The following ENTPD1 variants were observed in gnomAD, a reference collection of about 807,000 sequenced individuals.
ENTPD1 encodes ATP diphosphohydrolase.
Under a neutral mutation model 57.0 loss-of-function variants are expected in ENTPD1, and 33 were observed. The ratio of observed to expected loss-of-function variants is 0.58; its 90% CI spans 0.44 to 0.77. The LOEUF (loss-of-function observed/expected upper bound fraction) is 0.77. Among genes scored for constraint, ENTPD1 ranks in the 30% least tolerant of loss-of-function variants. The pLI, the probability that ENTPD1 is intolerant of heterozygous loss-of-function variation, is 0.00. For missense variants in ENTPD1, 501 were observed against 603.4 expected (o/e 0.83, Z 1.78); for synonymous variants, 202 against 218.8 (o/e 0.92, Z 0.68).
At chr10:95,694,376 A>G in the ENTPD1 span, among the ~76,000 whole-genome samples, 299 of 152,196 alleles carry the variant, frequency 2.0e-3, 13 homozygotes, top group South Asian at 0.061. Context: ...AACACACCTA[A>G]GGTCACATAC....
At chr10:95,778,190 C>T (rs1207535534) in intron 1 of ENTPD1, among the ~76,000 whole-genome samples, 1 of 152,194 alleles carries the variant, frequency 6.6e-6, no homozygotes, top group Admixed American at 6.5e-5. Context: ...AACCAGGTAC[C>T]TCAGTTGGAA....
chr10:95,783,080 T>C (rs2098164389), intron 1 of ENTPD1, among the ~76,000 whole-genome samples: 1 of 152,048 alleles, frequency 6.6e-6, no homozygotes, highest in African/African-American at 2.4e-5. Flanking sequence ...TCCTAGGGAG[T>C]TTCTTTGAGG....
rs563261393 is a variant in ENTPD1 at position 95,841,319 on chromosome 10, G to A, written c.263-1025G>A. Among the ~76,000 whole-genome samples the A allele has an allele frequency of 5.9e-5, 9 of 152,180 alleles. 1 individual carries two copies. The South Asian group carries it at 1.2e-3, about 21-fold the overall frequency. On this transcript the variant is annotated intron_variant, in intron 3 of 9. Coordinates refer to ENST00000371205, the MANE Select transcript of ENTPD1 (RefSeq NM_001776.6). ...GGAGAATCACTTGAACCCGGGAGGCGGAGGTTGCAGTTAGCCGAGATCGCG... is the reference window on the plus strand; with the variant it reads ...GGAGAATCACTTGAACCCGGGAGGCAGAGGTTGCAGTTAGCCGAGATCGCG...
At chr10:95,861,584 G>C (rs2098465424) in intron 8 of ENTPD1, 1 of 152,106 alleles carries the variant, frequency 6.6e-6, no homozygotes. Flanking sequence ...AAAGAAATGT[G>C]GTCAGGGCCT....
intron 1 of ENTPD1, chr10:95,756,465 C>G (rs1342162915): frequency 1.6e-6 from 1 of 607,460 alleles, no homozygotes; most frequent in Non-Finnish European, 2.9e-6. Context: ...AAGGGTGGCT[C>G]TAGAGCAAGC....
Position 95,872,157 on chromosome 10 carries a change from T to TA in ENTPD1, c.*5775dup. 1 of 985,482 alleles carries TA rather than the reference T, an allele frequency of 1.0e-6. No individual in the cohort carries two copies. Among genetic ancestry groups the TA allele is most frequent in the Non-Finnish European group, 1.2e-6 (1 of 829,940 alleles). 61.0% of individuals were successfully genotyped at this position (985,482 alleles called of 1,614,324 possible). ...CTGTAATATATTTTACCTGGACTGA[T>TA]ACCAGGAATGGTGGTGTTGCTTCCA... On this transcript the variant is annotated 3_prime_UTR_variant, in exon 10 of 10. Coordinates refer to ENST00000371205, the MANE Select transcript of ENTPD1 (RefSeq NM_001776.6).
intron 1 of ENTPD1, among the ~76,000 whole-genome samples, chr10:95,749,649 A>G (rs2098009708): frequency 1.3e-5 from 2 of 152,220 alleles, no homozygotes; most frequent in South Asian, 2.1e-4. Context: ...CCATGTGGAT[A>G]TTCGGGAGGA....
At chr10:95,800,043 A>C (rs2098242465) in intron 1 of ENTPD1, among the ~76,000 whole-genome samples, 1 of 152,186 alleles carries the variant, frequency 6.6e-6, no homozygotes, top group South Asian at 2.1e-4. Context: ...TGTTGGATGC[A>C]TAAGTTGCAA....
At chr10:95,705,596 A>T in the ENTPD1 span, among the ~76,000 whole-genome samples, 1 of 152,110 alleles carries the variant, frequency 6.6e-6, no homozygotes, top group Admixed American at 6.6e-5. Flanking sequence ...GGTTCAAGCG[A>T]TTCTCCTGCC....
In ENTPD1 at chr10:95,845,270, G is replaced by A; in HGVS notation, c.574-87G>A. The A allele has an allele frequency of 5.0e-6, 8 of 1,593,676 alleles. No homozygotes were observed. The South Asian group carries it at 8.9e-5, about 18-fold the overall frequency. On this transcript the variant is annotated intron_variant, in intron 5 of 9. Transcript: ENST00000371205. ...CTCACCTTTATGCCCCTGTTTCTTT[G>A]CCTTAGGAAATCCCTGACTCCAATA...
At position 95,869,260 on chromosome 10, in the gene ENTPD1, T is replaced by C. The variant is rs76871673; in HGVS notation, c.*2877T>C. 12 of 952,666 alleles carry C rather than the reference T, an allele frequency of 1.3e-5. No individual in the cohort carries two copies. The highest frequency in any genetic ancestry group is 6.6e-5 in the Admixed American group (1 of 15,204). 59.0% of individuals were successfully genotyped at this position (952,666 alleles called of 1,614,324 possible). A position where few individuals can be genotyped will look rare whatever the true frequency, so the allele number is the denominator to read the frequency against. ...TCATTACTTTTTTTTTTTTTTTTTT[T>C]TTTTTTTGAGAGAGAGTCTCACTCC... On this transcript the variant is annotated 3_prime_UTR_variant, in exon 10 of 10. Transcript: ENST00000371205.
intron 1 of ENTPD1, among the ~76,000 whole-genome samples, chr10:95,774,732 A>G (rs1338399959): frequency 6.6e-6 from 1 of 152,200 alleles, no homozygotes; most frequent in Non-Finnish European, 1.5e-5. Context: ...TGGTTACTGT[A>G]GCCTTGTAGT....
chr10:95,741,523 A>G (rs1295861911), intron 1 of ENTPD1, among the ~76,000 whole-genome samples: 2 of 152,260 alleles, frequency 1.3e-5, no homozygotes, highest in South Asian at 2.1e-4. Context: ...TGGTACTGCA[A>G]TAATGGCACT....
rs1001723207 is a variant in ENTPD1, at chr10:95,774,847, GT to G, written c.16+18598del. The stretch of plus-strand genomic sequence containing the variant: ...TTGGTTCCATAGGAACTTTAAAGTA[GT>G]TTTTTCCAATTCTGTGAAGAAAGTC... On this transcript the variant is annotated intron_variant, in intron 1 of 9. Coordinates refer to ENST00000371205, the MANE Select transcript of ENTPD1 (RefSeq NM_001776.6). Among the ~76,000 whole-genome samples, 5 of 152,316 alleles carry G rather than the reference GT, an allele frequency of 3.3e-5. No individual in the cohort carries two copies. The South Asian group carries it at 6.2e-4, about 19-fold the overall frequency.
rs1386177174 is a variant in ENTPD1, at chr10:95,777,642, CTCTGAGCTCA to C, written c.16+21388_16+21397del. 2.6e-5 allele frequency among the ~76,000 whole-genome samples: 4 copies of C among 152,358 alleles called. No individual in the cohort carries two copies. In the East Asian group the frequency reaches 7.7e-4, roughly 29 times the overall value. ...CACTTGAGTAGGCAGTCTGTCTGTT[CTCTGAGCTCA>C]AACACCATGCTGGGAGAACCACTGC... On this transcript the variant is annotated intron_variant, in intron 1 of 9. Transcript: ENST00000371205.
the ENTPD1 span, among the ~76,000 whole-genome samples, chr10:95,705,560 C>T: frequency 4.6e-5 from 7 of 152,088 alleles, no homozygotes; most frequent in Admixed American, 6.6e-5. Context: ...GGCGTGAACT[C>T]GGCTCACTGC....
At chr10:95,796,245 T>C (rs960103639) in intron 1 of ENTPD1, among the ~76,000 whole-genome samples, 5 of 152,128 alleles carry the variant, frequency 3.3e-5, no homozygotes, top group East Asian at 1.9e-4. Context: ...CTCTGTCTCA[T>C]AGGGGAGACT....
At chr10:95,715,040 A>C (rs1266668757) in intron 1 of ENTPD1, among the ~76,000 whole-genome samples, 1 of 152,214 alleles carries the variant, frequency 6.6e-6, no homozygotes, top group Non-Finnish European at 1.5e-5. Flanking sequence ...ATCTGGAAAC[A>C]TTATAGTTTA....
Position 95,872,992 on chromosome 10 carries a change from G to T in ENTPD1, c.*6609G>T, listed in dbSNP as rs1054692036. On this transcript the variant is annotated 3_prime_UTR_variant, in exon 10 of 10. Coordinates refer to ENST00000371205, the MANE Select transcript of ENTPD1 (RefSeq NM_001776.6). ...TTAAGGATTAGAATGAACCTTAAAA[G>T]ATCATGCATCTCAAAATTTAATGTA... 2.0e-5 allele frequency: 20 copies of T among 984,938 alleles called. No homozygotes were observed. The African/African-American group carries it at 3.5e-4, about 17-fold the overall frequency. 61.0% of individuals were successfully genotyped at this position (984,938 alleles called of 1,614,324 possible).
Sources: allele counts gnomAD v4.1 joint callset (sites outside exome capture counted in the v4.1 genomes callset), GRCh38; gene constraint gnomAD v4.1.1; transcripts MANE v1.5; gene names NCBI Gene and HGNC (gene_info 2026-07-23, HGNC 2026-07-21).